The following BMP6 variants were observed in gnomAD, a reference collection of about 807,000 sequenced individuals.
The protein encoded by BMP6 is bone morphogenetic protein 6.
A neutral mutation model predicts 54.1 loss-of-function variants in BMP6; 17 were observed. The observed-to-expected ratio is 0.31, with a 90% CI of 0.22 to 0.47. The LOEUF (loss-of-function observed/expected upper bound fraction) is 0.47, where lower values mean the gene tolerates loss of function less well. Ranked by LOEUF, BMP6 falls within the 20% of genes least tolerant of loss-of-function variation. The pLI is 1.00. For synonymous variants in BMP6, 328 were observed against 291.2 expected (o/e 1.13, Z -1.28); for missense variants, 720 against 690.4 (o/e 1.04, Z -0.48).
At chr6:7,857,120 A>C (rs953982090) in intron 2 of BMP6, among the ~76,000 whole-genome samples, 2 of 152,222 alleles carry the variant, frequency 1.3e-5, no homozygotes, top group African/African-American at 2.4e-5. Context: ...TGATGTGAGC[A>C]TGTGCCTTGG....
intron 1 of BMP6, among the ~76,000 whole-genome samples, chr6:7,731,806 A>G (rs1761864180): frequency 6.6e-6 from 1 of 152,220 alleles, no homozygotes; most frequent in African/African-American, 2.4e-5. Flanking sequence ...CCATATGTAT[A>G]TTAATTTGTA....
chr6:7,812,493 T>C (rs1385976735), intron 1 of BMP6, among the ~76,000 whole-genome samples: 1 of 152,212 alleles, frequency 6.6e-6, no homozygotes, highest in Non-Finnish European at 1.5e-5. Context: ...TGTACACATG[T>C]AGATACATTT....
At chr6:7,735,342 A>G (rs1006854013) in intron 1 of BMP6, among the ~76,000 whole-genome samples, 7 of 152,186 alleles carry the variant, frequency 4.6e-5, no homozygotes, top group African/African-American at 1.7e-4. Flanking sequence ...CATTGGTAAG[A>G]GCTGATTAGG....
chr6:7,813,108 A>AAAAAAATATATAT (rs1554122651), intron 1 of BMP6, among the ~76,000 whole-genome samples: 6 of 21,492 alleles, frequency 2.8e-4, no homozygotes, highest in East Asian at 2.5e-3. Context: ...AAAAAAAAAA[A>AAAAAAATATATAT]ATATATATAT....
At chr6:7,846,803 A>T (rs1759072657) in intron 2 of BMP6, among the ~76,000 whole-genome samples, 1 of 152,214 alleles carries the variant, frequency 6.6e-6, no homozygotes, top group African/African-American at 2.4e-5. Context: ...TTCAGAGATA[A>T]TTGGTATTCA....
intron 1 of BMP6, among the ~76,000 whole-genome samples, chr6:7,794,709 C>A (rs780284325): frequency 6.6e-6 from 1 of 151,842 alleles, no homozygotes; most frequent in Admixed American, 6.5e-5. Flanking sequence ...CTTAGGAGAT[C>A]GTATTCTCAG....
intron 3 of BMP6, 105 bp downstream of exon 3, chr6:7,861,704 C>T: frequency 6.8e-7 from 1 of 1,472,548 alleles, no homozygotes; most frequent in Non-Finnish European, 9.3e-7. Context: ...AAGTCCTCAG[C>T]TTCAGGATGG....
chr6:7,787,063 G>C (rs1167339428), intron 1 of BMP6, among the ~76,000 whole-genome samples: 1 of 152,146 alleles, frequency 6.6e-6, no homozygotes, highest in Non-Finnish European at 1.5e-5. Context: ...GCCTCCTTTA[G>C]TTTCTTTTCC....
chr6:7,746,660 C>T (rs1415105023), intron 1 of BMP6, among the ~76,000 whole-genome samples: 2 of 152,318 alleles, frequency 1.3e-5, no homozygotes, highest in Middle Eastern at 3.4e-3. Context: ...TTTAAATAGA[C>T]ATTTAAATAG....
Position 7,727,026 on chromosome 6 carries a change from C to A in BMP6, c.71C>A (p.Pro24His). 1 of 1,119,296 alleles carries A rather than the reference C, an allele frequency of 8.9e-7. No homozygotes were observed. The highest frequency in any genetic ancestry group is 1.1e-6 in the Non-Finnish European group (1 of 917,772). The allele number at this position is 1,119,296 out of a possible 1,614,324, so 69.3% of individuals were successfully genotyped here. A position where few individuals can be genotyped will look rare whatever the true frequency, so the allele number is the denominator to read the frequency against. Residue 24 changes from proline (P) to histidine (H), a missense_variant, in exon 1 of 7, where the codon CCC becomes CAC. Pro to His is a moderately conservative substitution (Grantham distance 77). This residue lies in a region of BMP6 where 650 missense variants were observed against 556.3 expected (regional missense o/e 1.17). Coordinates refer to ENST00000283147, the MANE Select transcript of BMP6 (RefSeq NM_001718.6). ...WWGLLCSCCG[P>H]PPLRPPLPAA... ...GGGCTGCTGTGCAGCTGCTGCGGGC[C>A]CCCGCCGCTGCGGCCGCCCTTGCCC...
At chr6:7,879,918 G>A in intron 5 of BMP6, 73 bp from the exon 6 acceptor site, 1 of 1,446,926 alleles carries the variant, frequency 6.9e-7, no homozygotes, top group Non-Finnish European at 9.7e-7. Flanking sequence ...CCTTTTCACA[G>A]CATTCCTGAA....
chr6:7,879,172 G>C (rs1306756561), intron 5 of BMP6, 22 bp downstream of exon 5: 1 of 1,600,634 alleles, frequency 6.2e-7, no homozygotes, highest in African/African-American at 1.3e-5. Context: ...GGACACGGGG[G>C]ATAAAGGTCC....
At chr6:7,743,552 G>A (rs539435004) in intron 1 of BMP6, among the ~76,000 whole-genome samples, 1 of 152,258 alleles carries the variant, frequency 6.6e-6, no homozygotes, top group South Asian at 2.1e-4. Flanking sequence ...CAGGATAAAT[G>A]CTTGTTTATT....
intron 1 of BMP6, among the ~76,000 whole-genome samples, chr6:7,844,928 A>G (rs1759036798): frequency 6.6e-6 from 1 of 152,182 alleles, no homozygotes; most frequent in African/African-American, 2.4e-5. Flanking sequence ...ACTAAATAAA[A>G]TCTAAGAATT....
chr6:7,846,916 C>G (rs1275582245), intron 2 of BMP6, among the ~76,000 whole-genome samples: 7 of 152,080 alleles, frequency 4.6e-5, no homozygotes, highest in African/African-American at 1.7e-4. Context: ...CTTTTTGGCT[C>G]AGAAATATAT....
chr6:7,785,768 A>T (rs1758011174), intron 1 of BMP6, among the ~76,000 whole-genome samples: 1 of 152,222 alleles, frequency 6.6e-6, no homozygotes, highest in Non-Finnish European at 1.5e-5. Flanking sequence ...CTGTTAAGCG[A>T]ATCTCCACAC....
At chr6:7,832,397 C>G (rs1225160723) in intron 1 of BMP6, among the ~76,000 whole-genome samples, 1 of 152,080 alleles carries the variant, frequency 6.6e-6, no homozygotes, top group African/African-American at 2.4e-5. Context: ...TCACTGCTTC[C>G]ACCATGTGAG....
intron 1 of BMP6, among the ~76,000 whole-genome samples, chr6:7,734,401 T>A (rs1484006366): frequency 1.3e-5 from 2 of 152,162 alleles, no homozygotes; most frequent in Non-Finnish European, 2.9e-5. Context: ...GGACAATCCA[T>A]GAAAACACAC....
chr6:7,846,381 C>T (rs1759063924), intron 2 of BMP6, among the ~76,000 whole-genome samples: 1 of 152,188 alleles, frequency 6.6e-6, no homozygotes, highest in African/African-American at 2.4e-5. Context: ...ATGTATTGAT[C>T]TGTGTGTGGG....
Sources: gnomAD v4.1 joint callset for allele counts (sites outside exome capture counted in the v4.1 genomes callset) on GRCh38, gnomAD v4.1.1 for gene constraint, gnomAD v4.1.1 regional missense constraint, MANE v1.5 for transcripts, NCBI Gene and HGNC (gene_info 2026-07-23, HGNC 2026-07-21) for gene names.